The following RARS2 variants were observed in gnomAD, a reference collection of about 807,000 sequenced individuals.
The protein encoded by RARS2 is probable arginine--tRNA ligase, mitochondrial.
In RARS2, 67 loss-of-function variants were observed where a neutral mutation model predicts 88.5. That is an observed-to-expected ratio of 0.76 (90% CI 0.62 to 0.93). The LOEUF (loss-of-function observed/expected upper bound fraction) is 0.93. Among genes scored for constraint, RARS2 ranks in the 40% least tolerant of loss-of-function variants. The probability of loss-of-function intolerance (pLI) is 0.00; values close to 1 mark genes in which losing one functional copy is unlikely to be tolerated. For synonymous variants in RARS2, 239 were observed against 230.3 expected (o/e 1.04, Z -0.34); for missense variants, 664 against 684.2 (o/e 0.97, Z 0.33).
intron 1 of RARS2, among the ~76,000 whole-genome samples, chr6:87,574,317 G>A (rs920547049): frequency 6.6e-6 from 1 of 152,220 alleles, no homozygotes; most frequent in Non-Finnish European, 1.5e-5. Flanking sequence ...CCATGTCAGA[G>A]TTGAGGAATA....
intron 1 of RARS2, among the ~76,000 whole-genome samples, chr6:87,575,817 A>T (rs527862459): frequency 8.6e-5 from 13 of 151,918 alleles, no homozygotes; most frequent in African/African-American, 2.7e-4. Flanking sequence ...CATTGTGGAT[A>T]AATTTTTTTT....
intron 1 of RARS2, among the ~76,000 whole-genome samples, chr6:87,588,656 T>A (rs1295652107): frequency 6.6e-6 from 1 of 152,250 alleles, no homozygotes; most frequent in Non-Finnish European, 1.5e-5. Flanking sequence ...ATTATAGGCA[T>A]GAACCACATG....
At chr6:87,561,868 G>T (rs1787940951) in intron 4 of RARS2, among the ~76,000 whole-genome samples, 1 of 152,198 alleles carries the variant, frequency 6.6e-6, no homozygotes, top group Admixed American at 6.5e-5. Flanking sequence ...AATTGAGAAG[G>T]ATTTGGGAAT....
intron 1 of RARS2, among the ~76,000 whole-genome samples, chr6:87,575,551 G>C (rs1307931441): frequency 6.6e-6 from 1 of 152,066 alleles, no homozygotes; most frequent in Non-Finnish European, 1.5e-5. Flanking sequence ...GCTCCAGAGA[G>C]GATGAGGTGC....
chr6:87,568,950 G>A (rs1050777379), intron 2 of RARS2, among the ~76,000 whole-genome samples: 14 of 152,044 alleles, frequency 9.2e-5, no homozygotes, highest in African/African-American at 3.1e-4. Flanking sequence ...TACCCAAATC[G>A]TAAACAAGAA....
rs773538208 is a variant in RARS2, at chr6:87,521,491, C to T, written c.1008G>A (p.Lys336=). 1 of 1,612,022 alleles carries T rather than the reference C, an allele frequency of 6.2e-7. No homozygotes were observed. Among genetic ancestry groups the T allele is most frequent in the South Asian group, 1.1e-5 (1 of 91,028 alleles). The part of the protein sequence containing the change: ...DLAAAIDRMD[K]YNFDTMIYVT... ...CATATATCATTGTATCAAAATTATA[C>T]TTGTCCATTCGATCTATAGCAGCTG... The change falls in exon 12 of 20, where the codon AAG becomes AAA. Residue 336 remains lysine (K), a synonymous_variant. Coordinates refer to ENST00000369536, the MANE Select transcript of RARS2 (RefSeq NM_020320.5).
At chr6:87,559,476 A>C (rs1383562944) in intron 4 of RARS2, among the ~76,000 whole-genome samples, 2 of 70,462 alleles carry the variant, frequency 2.8e-5, no homozygotes, top group East Asian at 4.1e-4. Flanking sequence ...AAAAAAAAAA[A>C]AAAAAAAAAA....
chr6:87,553,755 G>A lies in RARS2; in HGVS notation c.395+1653C>T, dbSNP rs78041159. 5.4e-3 allele frequency among the ~76,000 whole-genome samples: 829 copies of A among 152,300 alleles called. 5 individuals carry two copies. The highest frequency in any genetic ancestry group is 0.018 in the African/African-American group (756 of 41,552). ...GTTCCTCTCTAGTGTGAAGATGACTGTAGGAATCCCTCTACTCTTTGTGAT... is the reference window on the plus strand; with the variant it reads ...GTTCCTCTCTAGTGTGAAGATGACTATAGGAATCCCTCTACTCTTTGTGAT... On this transcript the variant is annotated intron_variant, in intron 5 of 19. Transcript: ENST00000369536.
chr6:87,536,256 A>T (rs1779144473), intron 8 of RARS2, among the ~76,000 whole-genome samples: 1 of 152,240 alleles, frequency 6.6e-6, no homozygotes, highest in African/African-American at 2.4e-5. Context: ...AGTTACCTTT[A>T]AAAGTATTAT....
chr6:87,516,803 T>G lies in RARS2; in HGVS notation c.1586+3A>C. On this transcript the variant is annotated splice_donor_region_variant and intron_variant, in intron 18 of 19. Coordinates refer to ENST00000369536, the MANE Select transcript of RARS2 (RefSeq NM_020320.5). ...ACCTGAAAACAGGAAGATTATAAAG[T>G]ACCTTAAAGTTAGAAGGTAACTGAC... is the stretch of plus-strand genomic sequence containing the variant. 1 of 1,613,344 alleles carries G rather than the reference T, an allele frequency of 6.2e-7. No homozygotes were observed. Among genetic ancestry groups the G allele is most frequent in the Non-Finnish European group, 8.5e-7 (1 of 1,179,622 alleles).
chr6:87,569,985 C>T (rs1769143058), intron 1 of RARS2, among the ~76,000 whole-genome samples: 2 of 150,368 alleles, frequency 1.3e-5, no homozygotes, highest in Admixed American at 6.6e-5. Context: ...AATTGAGTGG[C>T]TACTTAATGT....
At chr6:87,579,909 A>C (rs1772950611) in intron 1 of RARS2, among the ~76,000 whole-genome samples, 1 of 151,476 alleles carries the variant, frequency 6.6e-6, no homozygotes, top group Non-Finnish European at 1.5e-5. Flanking sequence ...TGCCCAGCTA[A>C]TTTTTGTATT....
chr6:87,530,496 A>G (rs1019308858), intron 9 of RARS2, among the ~76,000 whole-genome samples: 3 of 152,238 alleles, frequency 2.0e-5, no homozygotes, highest in African/African-American at 7.2e-5. Flanking sequence ...TTTATTAACC[A>G]TCACATACCA....
chr6:87,552,872 C>T (rs1784793889), intron 5 of RARS2, among the ~76,000 whole-genome samples: 1 of 152,144 alleles, frequency 6.6e-6, no homozygotes, highest in African/African-American at 2.4e-5. Context: ...TATTACCTCC[C>T]TGCTGATTTT....
At chr6:87,539,705 T>A (rs1192347516) in intron 8 of RARS2, among the ~76,000 whole-genome samples, 4 of 152,164 alleles carry the variant, frequency 2.6e-5, no homozygotes, top group African/African-American at 9.7e-5. Flanking sequence ...AATGACCCTG[T>A]CTCCTTTGTT....
intron 17 of RARS2, among the ~76,000 whole-genome samples, chr6:87,517,339 A>G (rs1037075075): frequency 6.6e-6 from 1 of 152,188 alleles, no homozygotes; most frequent in Non-Finnish European, 1.5e-5. Flanking sequence ...GCAAAGGAAC[A>G]TTTTTCTTTC....
chr6:87,542,125 C>G (rs1781190854), intron 7 of RARS2, 131 bp from the exon 8 acceptor site: 1 of 696,688 alleles, frequency 1.4e-6, no homozygotes, highest in Non-Finnish European at 2.5e-6. Context: ...TTACAAAACA[C>G]ACTTTTACCT....
At chr6:87,578,115 C>G (rs555087187) in intron 1 of RARS2, among the ~76,000 whole-genome samples, 4 of 148,062 alleles carry the variant, frequency 2.7e-5, no homozygotes, top group African/African-American at 7.7e-5. Context: ...AGACCCCCCC[C>G]CCCGCCATCT....
intron 7 of RARS2, among the ~76,000 whole-genome samples, chr6:87,544,108 A>G (rs1456302098): frequency 6.6e-6 from 1 of 152,238 alleles, no homozygotes; most frequent in Non-Finnish European, 1.5e-5. Flanking sequence ...TGCTGTAACG[A>G]AATCCTGCAG....
Sources: gnomAD v4.1 joint callset for allele counts (sites outside exome capture counted in the v4.1 genomes callset) on GRCh38, gnomAD v4.1.1 for gene constraint, MANE v1.5 for transcripts, NCBI Gene and HGNC (gene_info 2026-07-23, HGNC 2026-07-21) for gene names.